Variants in MBNL2 observed in about 807,000 individuals in gnomAD.
MBNL2 encodes the protein muscleblind like splicing regulator 2.
In MBNL2, 17 loss-of-function variants were observed where a neutral mutation model predicts 41.9. That is an observed-to-expected ratio of 0.41 (90% CI 0.28 to 0.61). The LOEUF is 0.61. Among genes scored for constraint, MBNL2 ranks in the 20% least tolerant of loss-of-function variants. The pLI is 0.35. For synonymous variants in MBNL2, 195 were observed against 182.9 expected (o/e 1.07, Z -0.53); for missense variants, 336 against 505.6 (o/e 0.66, Z 3.22).
rs903476137 is a variant in MBNL2 at position 97,366,339 on chromosome 13, A to G, written c.1048+1168A>G. The G allele has an allele frequency of 3.4e-6, 2 of 593,822 alleles. No individual in the cohort carries two copies. The highest frequency in any genetic ancestry group is 6.1e-6 in the Non-Finnish European group (2 of 326,110). The allele number at this position is 593,822 out of a possible 1,614,324, so 36.8% of individuals were successfully genotyped here. A position where few individuals can be genotyped will look rare whatever the true frequency, so the allele number is the denominator to read the frequency against. On this transcript the variant is annotated intron_variant, in intron 8 of 8. Transcript: ENST00000679496. The surrounding 1 kb of genome is among the most constrained non-coding windows in gnomAD (Gnocchi z 4.7). ...TTGCTTTGCATTGTGATTGCATGCCATCTGCTGGTTTAACCCATGATGGCT... is the reference window on the plus strand; with the variant it reads ...TTGCTTTGCATTGTGATTGCATGCCGTCTGCTGGTTTAACCCATGATGGCT...
intron 2 of MBNL2, among the ~76,000 whole-genome samples, chr13:97,309,061 G>T (rs997317556): frequency 6.6e-6 from 1 of 152,142 alleles, no homozygotes; most frequent in Non-Finnish European, 1.5e-5. Flanking sequence ...AAAAGTGTGG[G>T]TGTGTTTGGA....
the MBNL2 span, among the ~76,000 whole-genome samples, chr13:97,175,302 C>T: frequency 3.3e-5 from 5 of 152,192 alleles, no homozygotes; most frequent in Admixed American, 2.6e-4. Context: ...ACTTCTTCCC[C>T]GTTTATCCTT....
In MBNL2 at chr13:97,387,159, C is replaced by T. The variant is rs549790519; in HGVS notation, c.1049-4163C>T. Among the ~76,000 whole-genome samples the T allele has an allele frequency of 5.3e-5, 8 of 151,580 alleles. No individual in the cohort carries two copies. In the South Asian group the frequency reaches 1.7e-3, roughly 32 times the overall value. ...TGTCATGGTGCTTTGTTATATAAAA[C>T]ACTACTTACTTGAGGCAATAGTCTC... On this transcript the variant is annotated intron_variant, in intron 8 of 8. Transcript: ENST00000679496.
the MBNL2 span, among the ~76,000 whole-genome samples, chr13:97,164,535 GT>G: frequency 6.6e-6 from 1 of 152,102 alleles, no homozygotes; most frequent in Non-Finnish European, 1.5e-5. Context: ...CTAATTGCAA[GT>G]TTAGGTGAAG....
At chr13:97,159,224 C>T in the MBNL2 span, among the ~76,000 whole-genome samples, 1 of 151,006 alleles carries the variant, frequency 6.6e-6, no homozygotes, top group Non-Finnish European at 1.5e-5. Context: ...GCAACCCCTG[C>T]GTTTTTTTGT....
chr13:97,181,223 C>G, the MBNL2 span, among the ~76,000 whole-genome samples: 1 of 152,140 alleles, frequency 6.6e-6, no homozygotes. Flanking sequence ...ATCTCCCCAT[C>G]TGAAGACCCT....
chr13:97,152,221 T>C, the MBNL2 span, among the ~76,000 whole-genome samples: 1 of 151,874 alleles, frequency 6.6e-6, no homozygotes, highest in Non-Finnish European at 1.5e-5. Flanking sequence ...GCTTAATAGA[T>C]GAGTTAGAAG....
At chr13:97,209,326 G>T in the MBNL2 span, among the ~76,000 whole-genome samples, 9 of 152,202 alleles carry the variant, frequency 5.9e-5, no homozygotes, top group African/African-American at 1.9e-4. Flanking sequence ...GTGAGTATTT[G>T]CCCCACTAAG....
intron 1 of MBNL2, among the ~76,000 whole-genome samples, chr13:97,250,809 A>G (rs554701742): frequency 6.6e-6 from 1 of 152,300 alleles, no homozygotes; most frequent in South Asian, 2.1e-4. Context: ...AGGCTCCTTG[A>G]TGGAAATTTG....
In MBNL2 at chr13:97,375,045, G is replaced by A. The variant is rs138423756; in HGVS notation, c.1048+9874G>A. Among the ~76,000 whole-genome samples the A allele has an allele frequency of 2.1e-3, 321 of 151,974 alleles. 2 individuals carry two copies. The highest frequency in any genetic ancestry group is 7.1e-3 in the African/African-American group (295 of 41,480). Reference sequence around the variant, plus strand: ...GCCCCCGATGCCTACCTTCTCACACGTCTGCCTGCGCATTTGGGGAAGTTG... The same window carrying A: ...GCCCCCGATGCCTACCTTCTCACACATCTGCCTGCGCATTTGGGGAAGTTG... On this transcript the variant is annotated intron_variant, in intron 8 of 8. Coordinates refer to ENST00000679496, the MANE Select transcript of MBNL2 (RefSeq NM_001382683.1).
the MBNL2 span, among the ~76,000 whole-genome samples, chr13:97,191,880 C>T: frequency 4.6e-5 from 7 of 152,204 alleles, no homozygotes; most frequent in Non-Finnish European, 7.3e-5. Flanking sequence ...CTGCCATGGC[C>T]TCTCAAAGAA....
At chr13:97,351,598 CTTTTA>C (rs1256011546) in intron 5 of MBNL2, among the ~76,000 whole-genome samples, 1 of 152,214 alleles carries the variant, frequency 6.6e-6, no homozygotes, top group Non-Finnish European at 1.5e-5. Context: ...TCACCATGCT[CTTTTA>C]TGTTATGGAG....
At chr13:97,214,331 T>C in the MBNL2 span, among the ~76,000 whole-genome samples, 1 of 152,372 alleles carries the variant, frequency 6.6e-6, no homozygotes, top group East Asian at 1.9e-4. Flanking sequence ...TTAGCTTTGA[T>C]CCTTGGCCTT....
intron 1 of MBNL2, among the ~76,000 whole-genome samples, chr13:97,271,376 A>G (rs1347793187): frequency 6.6e-6 from 1 of 151,912 alleles, no homozygotes; most frequent in Non-Finnish European, 1.5e-5. Flanking sequence ...CCAAAGTGCT[A>G]GGATGACAGG....
chr13:97,287,404 C>T (rs974840693), intron 2 of MBNL2, among the ~76,000 whole-genome samples: 6 of 152,136 alleles, frequency 3.9e-5, no homozygotes, highest in Admixed American at 2.0e-4. Flanking sequence ...TTTGTTTAAA[C>T]TGACATATAT....
At chr13:97,216,958 T>C (rs536930491), upstream of MBNL2, among the ~76,000 whole-genome samples, 1 of 148,872 alleles carries the variant, frequency 6.7e-6, no homozygotes, top group African/African-American at 2.4e-5. Context: ...ATTATATACA[T>C]AATATAAAAT....
At chr13:97,257,653 C>A (rs1237693039) in intron 1 of MBNL2, among the ~76,000 whole-genome samples, 2 of 152,142 alleles carry the variant, frequency 1.3e-5, no homozygotes, top group Non-Finnish European at 2.9e-5. Flanking sequence ...AAGCACACAC[C>A]CTCTACCTCG....
At chr13:97,231,794 CAG>C (rs1338542007) in intron 1 of MBNL2, among the ~76,000 whole-genome samples, 46 of 151,968 alleles carry the variant, frequency 3.0e-4, no homozygotes, top group Admixed American at 3.0e-3. Flanking sequence ...CTGTCTGCTC[CAG>C]AGTTGTTTTT....
At chr13:97,333,529 C>G (rs542153406) in intron 2 of MBNL2, among the ~76,000 whole-genome samples, 1 of 152,336 alleles carries the variant, frequency 6.6e-6, no homozygotes, top group South Asian at 2.1e-4. Context: ...AGAGTGACAG[C>G]TTTTGTGTAG....
Sources: gnomAD v4.1 joint callset for allele counts (sites outside exome capture counted in the v4.1 genomes callset) on GRCh38, gnomAD v4.1.1 for gene constraint, Gnocchi (gnomAD v3.1) non-coding constraint, MANE v1.5 for transcripts, NCBI Gene and HGNC (gene_info 2026-07-23, HGNC 2026-07-21) for gene names.